Variants in IPCEF1 observed in about 807,000 individuals in gnomAD.
IPCEF1 encodes the protein interactor protein for cytohesin exchange factors 1.
Under a neutral mutation model 50.9 loss-of-function variants are expected in IPCEF1, and 31 were observed. That is an observed-to-expected ratio of 0.61 (90% CI 0.46 to 0.82). IPCEF1 has a LOEUF of 0.82. Among genes scored for constraint, IPCEF1 ranks in the 40% least tolerant of loss-of-function variants. IPCEF1 has a pLI of 0.00. For synonymous variants in IPCEF1, 181 were observed against 192.0 expected (o/e 0.94, Z 0.47); for missense variants, 458 against 514.0 (o/e 0.89, Z 1.05).
chr6:154,290,893 C>CTTTTTTTTTTTTTTTT lies in IPCEF1; in HGVS notation c.-61-1138_-61-1137insAAAAAAAAAAAAAAAA, dbSNP rs3045866. Among the ~76,000 whole-genome samples the CTTTTTTTTTTTTTTTT allele has an allele frequency of 5.3e-4, 67 of 127,286 alleles. 4 individuals are homozygous for CTTTTTTTTTTTTTTTT. Among genetic ancestry groups the CTTTTTTTTTTTTTTTT allele is most frequent in the African/African-American group, 2.0e-3 (64 of 31,548 alleles). 83.5% of individuals were successfully genotyped at this position (127,286 alleles called of 152,430 possible). A position where few individuals can be genotyped will look rare whatever the true frequency, so the allele number is the denominator to read the frequency against. The stretch of plus-strand genomic sequence containing the variant: ...AATTTTTCCAGTAGGAATATATTGC[C>CTTTTTTTTTTTTTTTT]TTTTTTTTTTTTTTGAGACAGAGTC... On this transcript the variant is annotated intron_variant, in intron 1 of 11. Transcript: ENST00000367220.
At position 154,163,658 on chromosome 6, in the gene IPCEF1, G is replaced by A. The variant is rs116414721; in HGVS notation, c.1105-3618C>T. ...AGACTGTTTACACATGTAGACATTC[G>A]TTGAATACTTGTTGAAAAAATGAAT... On this transcript the variant is annotated intron_variant, in intron 11 of 11. Coordinates refer to ENST00000367220, the MANE Select transcript of IPCEF1 (RefSeq NM_001130700.2). 3.9e-3 allele frequency among the ~76,000 whole-genome samples: 597 copies of A among 152,230 alleles called. 2 individuals are homozygous for A. The highest frequency in any genetic ancestry group is 0.014 in the African/African-American group (569 of 41,522).
At chr6:154,266,619 G>A (rs1781763565) in intron 2 of IPCEF1, among the ~76,000 whole-genome samples, 1 of 145,888 alleles carries the variant, frequency 6.9e-6, no homozygotes, top group South Asian at 2.2e-4. Context: ...TTGAGAAGTG[G>A]AAATGTTTTC....
At chr6:154,348,604 A>G (rs1479969605) in intron 1 of IPCEF1, among the ~76,000 whole-genome samples, 1 of 152,250 alleles carries the variant, frequency 6.6e-6, no homozygotes, top group African/African-American at 2.4e-5. Context: ...AGCATTCACA[A>G]CCACTAGTAA....
At position 154,235,532 on chromosome 6, in the gene IPCEF1, A is replaced by AC. The variant is rs1491133519; in HGVS notation, c.246+11058_246+11059insG. On this transcript the variant is annotated intron_variant, in intron 5 of 11. Coordinates refer to ENST00000367220, the MANE Select transcript of IPCEF1 (RefSeq NM_001130700.2). ...GGCGACAAGAGCAAAACTCTGTCAC[A>AC]AAAAAAAAAAAAAAAAAAAGTAATG... Among the ~76,000 whole-genome samples, 7 of 28,160 alleles carry AC rather than the reference A, an allele frequency of 2.5e-4. No individual in the cohort carries two copies. In the East Asian group the frequency reaches 2.7e-3, roughly 11 times the overall value. 18.5% of individuals were successfully genotyped at this position (28,160 alleles called of 152,430 possible).
At chr6:154,282,367 G>A (rs1388659397) in intron 2 of IPCEF1, among the ~76,000 whole-genome samples, 1 of 152,086 alleles carries the variant, frequency 6.6e-6, no homozygotes, top group Non-Finnish European at 1.5e-5. Flanking sequence ...GACCAGAGTG[G>A]TAGCGATAGA....
At chr6:154,339,982 G>C (rs1437218887) in intron 1 of IPCEF1, among the ~76,000 whole-genome samples, 3 of 152,162 alleles carry the variant, frequency 2.0e-5, no homozygotes, top group African/African-American at 7.2e-5. Context: ...AGAGGAAACT[G>C]AGTGGGGATC....
rs770422520 is a variant in IPCEF1 at position 154,246,678 on chromosome 6, C to T, written c.159G>A (p.Lys53=). The T allele has an allele frequency of 5.0e-6, 8 of 1,614,064 alleles. No homozygotes were observed. Among genetic ancestry groups the T allele is most frequent in the Non-Finnish European group, 6.8e-6 (8 of 1,179,966 alleles). ...ADCQGWLYKK[K]EKGSFLSNKW... is the part of the protein sequence containing the mutation. ...TGTTGCTTAGGAAACTTCCCTTTTC[C>T]TTTTTCTTATACAGCCACCCTTGGC... The change falls in exon 5 of 12, where the codon AAG becomes AAA. Residue 53 remains lysine (K), a synonymous_variant. Transcript: ENST00000367220.
At chr6:154,343,528 A>G (rs1783962703) in intron 1 of IPCEF1, among the ~76,000 whole-genome samples, 1 of 152,110 alleles carries the variant, frequency 6.6e-6, no homozygotes, top group South Asian at 2.1e-4. Flanking sequence ...TTCCTCCCCA[A>G]GTCGCCTCAC....
At chr6:154,175,149 A>G (rs1800206209) in intron 10 of IPCEF1, among the ~76,000 whole-genome samples, 2 of 152,222 alleles carry the variant, frequency 1.3e-5, no homozygotes, top group Admixed American at 1.3e-4. Context: ...AACGTACCAG[A>G]AGCTCTGGGA....
intron 1 of IPCEF1, among the ~76,000 whole-genome samples, chr6:154,353,080 A>G (rs149722570): frequency 4.6e-5 from 7 of 152,146 alleles, no homozygotes; most frequent in African/African-American, 1.7e-4. Context: ...CCTTTTTCTC[A>G]CTTCAGAGTT....
chr6:154,318,161 T>A (rs890976023), intron 1 of IPCEF1, among the ~76,000 whole-genome samples: 153 of 152,230 alleles, frequency 1.0e-3, no homozygotes, highest in Admixed American at 9.8e-3. Context: ...GAGAAAGAAA[T>A]CTGAACAGTG....
At chr6:154,184,021 TCACTATGCTG>T (rs1294846320) in intron 10 of IPCEF1, among the ~76,000 whole-genome samples, 1 of 152,164 alleles carries the variant, frequency 6.6e-6, no homozygotes, top group East Asian at 1.9e-4. Context: ...CTAACTCTAG[TCACTATGCTG>T]CATATTCGAT....
intron 7 of IPCEF1, among the ~76,000 whole-genome samples, chr6:154,218,717 C>T (rs1778613380): frequency 6.6e-6 from 1 of 152,128 alleles, no homozygotes; most frequent in African/African-American, 2.4e-5. Flanking sequence ...AATAATGAAA[C>T]TCTATAATGA....
At chr6:154,171,591 T>C (rs1042333061) in intron 10 of IPCEF1, among the ~76,000 whole-genome samples, 2 of 152,186 alleles carry the variant, frequency 1.3e-5, no homozygotes, top group Non-Finnish European at 2.9e-5. Flanking sequence ...ACCAATGAAC[T>C]GTACACTTTC....
At chr6:154,194,267 C>T (rs994593077) in intron 10 of IPCEF1, among the ~76,000 whole-genome samples, 8 of 152,080 alleles carry the variant, frequency 5.3e-5, no homozygotes, top group South Asian at 4.1e-4. Flanking sequence ...GGCGTGGTGG[C>T]GCATGCCTGT....
At chr6:154,289,645 C>T (rs750021707) in intron 2 of IPCEF1, 68 bp downstream of exon 2, 4 of 151,700 alleles carry the variant, frequency 2.6e-5, no homozygotes, top group Non-Finnish European at 5.9e-5. Context: ...AAGTGAAACT[C>T]AAGCTTTTCA....
At chr6:154,259,140 A>G (rs1781532470) in intron 3 of IPCEF1, among the ~76,000 whole-genome samples, 1 of 152,228 alleles carries the variant, frequency 6.6e-6, no homozygotes, top group Admixed American at 6.5e-5. Flanking sequence ...TCACTCCCAA[A>G]GAGGCACATC....
intron 3 of IPCEF1, among the ~76,000 whole-genome samples, chr6:154,253,979 A>G (rs2128647392): frequency 6.6e-6 from 1 of 152,282 alleles, no homozygotes; most frequent in East Asian, 1.9e-4. Flanking sequence ...TAAAACATTC[A>G]GAGCTATACA....
intron 1 of IPCEF1, among the ~76,000 whole-genome samples, chr6:154,318,898 T>G (rs373555958): frequency 2.0e-5 from 3 of 152,164 alleles, no homozygotes; most frequent in South Asian, 4.1e-4. Context: ...TATGTGTGTC[T>G]GTCTCAAACA....
Sources: allele counts gnomAD v4.1 joint callset (sites outside exome capture counted in the v4.1 genomes callset), GRCh38; gene constraint gnomAD v4.1.1; transcripts MANE v1.5; gene names NCBI Gene and HGNC (gene_info 2026-07-23, HGNC 2026-07-21).